Variants in TXNRD3 observed in about 807,000 individuals in gnomAD.
The protein encoded by TXNRD3 is TXNRD3 neighbor gene protein.
Under a neutral mutation model 78.2 loss-of-function variants are expected in TXNRD3, and 68 were observed. The ratio of observed to expected loss-of-function variants is 0.87; its 90% confidence interval spans 0.72 to 1.06. The LOEUF is 1.06. Among genes scored for constraint, TXNRD3 ranks in the 50% least tolerant of loss-of-function variants. The pLI is 0.00. For missense variants in TXNRD3, 751 were observed against 809.5 expected (o/e 0.93, Z 0.88); for synonymous variants, 296 against 300.1 (o/e 0.99, Z 0.14).
At position 126,629,604 on chromosome 3, in the gene TXNRD3, G is replaced by T. The variant is rs989708283; in HGVS notation, c.1198-133C>A. The T allele has an allele frequency of 2.0e-5, 12 of 606,002 alleles. No homozygotes were observed. The African/African-American group carries it at 2.3e-4, about 11-fold the overall frequency. 37.5% of individuals were successfully genotyped at this position (606,002 alleles called of 1,614,324 possible). A position where few individuals can be genotyped will look rare whatever the true frequency, so the allele number is the denominator to read the frequency against. On this transcript the variant is annotated intron_variant, in intron 9 of 15. Transcript: ENST00000524230. ...TACATATAATAGGTGTTAGTATAAG[G>T]TTTCTGGATAAGGCAGAAATAGAGA...
At chr3:126,627,767 C>T (rs1040364249) in intron 10 of TXNRD3, among the ~76,000 whole-genome samples, 5 of 152,130 alleles carry the variant, frequency 3.3e-5, no homozygotes, top group African/African-American at 1.2e-4. Context: ...TAGACAGTTG[C>T]ATCAGTAAAT....
intron 13 of TXNRD3, among the ~76,000 whole-genome samples, chr3:126,612,117 C>T (rs545908107): frequency 1.9e-4 from 29 of 152,130 alleles, no homozygotes; most frequent in Non-Finnish European, 3.8e-4. Context: ...CAGCTCACTG[C>T]AGCCTTGACT....
chr3:126,621,646 T>A, intron 12 of TXNRD3, 96 bp downstream of exon 12: 1 of 1,214,962 alleles, frequency 8.2e-7, no homozygotes, highest in Non-Finnish European at 1.1e-6. Flanking sequence ...TGAGGAACCC[T>A]TTACTTGGAA....
rs1346365354 is a variant in TXNRD3 at position 126,607,839 on chromosome 3, A to G, written c.*66T>C. On this transcript the variant is annotated 3_prime_UTR_variant, in exon 16 of 16. Transcript: ENST00000524230. Reference sequence around the variant, plus strand: ...GCTGTCATGAGCACAGGCTCATTTTATCCGAGAGCATTCTTATCTTTGAGA... The same window carrying G: ...GCTGTCATGAGCACAGGCTCATTTTGTCCGAGAGCATTCTTATCTTTGAGA... The G allele has an allele frequency of 1.1e-5, 15 of 1,356,842 alleles. No individual in the cohort carries two copies. The South Asian group carries it at 1.8e-4, about 16-fold the overall frequency. The allele number at this position is 1,356,842 out of a possible 1,614,324, so 84.1% of individuals were successfully genotyped here. A position where few individuals can be genotyped will look rare whatever the true frequency, so the allele number is the denominator to read the frequency against.
At position 126,644,329 on chromosome 3, in the gene TXNRD3, C is replaced by T. The variant is rs899223095; in HGVS notation, c.487G>A (p.Gly163Ser). The T allele has an allele frequency of 2.1e-5, 32 of 1,536,312 alleles. No individual in the cohort carries two copies. The highest frequency in any genetic ancestry group is 1.7e-4 in the Middle Eastern group (1 of 6,016). ...CATGAAAGGCCTCCAGAACCACCAC[C>T]GATGATGATGAGATCATAATCATAT... Residue 163 changes from glycine (G) to serine (S), a missense_variant, in exon 4 of 16, where the codon GGT becomes AGT. Gly to Ser is a moderately conservative substitution (Grantham distance 56). Coordinates refer to ENST00000524230, the MANE Select transcript of TXNRD3 (RefSeq NM_052883.3).
chr3:126,638,190 G>A (rs535019317), intron 6 of TXNRD3, among the ~76,000 whole-genome samples: 3 of 151,906 alleles, frequency 2.0e-5, no homozygotes, highest in South Asian at 4.2e-4. Flanking sequence ...TGATCCGCCC[G>A]CCTCGGTCTC....
chr3:126,630,864 A>G lies in TXNRD3; in HGVS notation c.1045T>C (p.Cys349Arg), dbSNP rs975340027. The G allele has an allele frequency of 3.9e-6, 6 of 1,535,908 alleles. No individual in the cohort carries two copies. The South Asian group carries it at 4.8e-5, about 12-fold the overall frequency. Reference sequence around the variant, plus strand: ...CCAAAGCCAGCCAGAAACCCTGCACACTCCAGGGCAACATAAGAGGCACCC... The same window carrying G: ...CCAAAGCCAGCCAGAAACCCTGCACGCTCCAGGGCAACATAAGAGGCACCC... The change falls in exon 9 of 16, where the codon TGT becomes CGT. Residue 349 changes from cysteine to arginine, a missense_variant. Physicochemically the swap from Cys to Arg is radical, Grantham distance 180. Coordinates refer to ENST00000524230, the MANE Select transcript of TXNRD3 (RefSeq NM_052883.3).
At chr3:126,639,631 G>T (rs1402519668) in intron 6 of TXNRD3, among the ~76,000 whole-genome samples, 1 of 152,068 alleles carries the variant, frequency 6.6e-6, no homozygotes, top group Non-Finnish European at 1.5e-5. Context: ...GTGCAGTGGC[G>T]CAATCAGAGC....
intron 15 of TXNRD3, among the ~76,000 whole-genome samples, chr3:126,608,182 G>A (rs1020937486): frequency 6.6e-6 from 1 of 151,736 alleles, no homozygotes; most frequent in African/African-American, 2.4e-5. Context: ...CCAACATGGT[G>A]AAACCCCATC....
intron 14 of TXNRD3, among the ~76,000 whole-genome samples, chr3:126,610,796 AC>A (rs1938182198): frequency 6.6e-6 from 1 of 152,134 alleles, no homozygotes; most frequent in Non-Finnish European, 1.5e-5. Flanking sequence ...TAACTAAATG[AC>A]AACGTGGAGG....
chr3:126,615,936 C>T (rs532103022), intron 12 of TXNRD3, among the ~76,000 whole-genome samples: 6 of 152,226 alleles, frequency 3.9e-5, no homozygotes, highest in African/African-American at 9.6e-5. Context: ...TGCAGCTCAA[C>T]GGTGCTGGAC....
At chr3:126,648,226 A>G (rs1309395948) in intron 1 of TXNRD3, among the ~76,000 whole-genome samples, 1 of 152,268 alleles carries the variant, frequency 6.6e-6, no homozygotes, top group Non-Finnish European at 1.5e-5. Flanking sequence ...ATTAAATAAG[A>G]TAGCAACAAA....
Position 126,654,764 on chromosome 3 carries a change from C to T in TXNRD3, c.227G>A (p.Cys76Tyr). 1 of 1,416,926 alleles carries T rather than the reference C, an allele frequency of 7.1e-7. No individual in the cohort carries two copies. The highest frequency in any genetic ancestry group is 9.2e-7 in the Non-Finnish European group (1 of 1,085,302). The allele number at this position is 1,416,926 out of a possible 1,614,324, so 87.8% of individuals were successfully genotyped here. Reference sequence around the variant, plus strand: ...CGCGCCTACCCGAGTACTATGGGGACAGTAGCTCTTGCTGAAGATCACCAC... The same window carrying T: ...CGCGCCTACCCGAGTACTATGGGGATAGTAGCTCTTGCTGAAGATCACCAC... The change falls in exon 1 of 16, where the codon TGT becomes TAT. Residue 76 changes from cysteine (C) to tyrosine (Y), a missense_variant. Cys to Tyr is a radical substitution (Grantham distance 194). Coordinates refer to ENST00000524230, the MANE Select transcript of TXNRD3 (RefSeq NM_052883.3).
At chr3:126,628,419 T>C (rs964813516) in intron 10 of TXNRD3, among the ~76,000 whole-genome samples, 1 of 152,044 alleles carries the variant, frequency 6.6e-6, no homozygotes, top group African/African-American at 2.4e-5. Context: ...AATAAATGTG[T>C]ACACAGGAAA....
rs1938079151 is a variant in TXNRD3 at position 126,607,654 on chromosome 3, A to G, written c.*251T>C. On this transcript the variant is annotated 3_prime_UTR_variant, in exon 16 of 16. Coordinates refer to ENST00000524230, the MANE Select transcript of TXNRD3 (RefSeq NM_052883.3). ...GCGAGAGTCAGCCTTGGCTCACCTC[A>G]TAACGGGGCTCCAAGCTAAGGCGTC... is the stretch of plus-strand genomic sequence containing the variant. 6.0e-6 allele frequency: 2 copies of G among 330,738 alleles called. No individual in the cohort carries two copies. The highest frequency in any genetic ancestry group is 1.1e-5 in the Non-Finnish European group (2 of 183,416). 20.5% of individuals were successfully genotyped at this position (330,738 alleles called of 1,614,324 possible).
In TXNRD3 at chr3:126,638,022, CA is replaced by C. The variant is rs973571848; in HGVS notation, c.713-3972del. Among the ~76,000 whole-genome samples, 6 of 143,374 alleles carry C rather than the reference CA, an allele frequency of 4.2e-5. No homozygotes were observed. In the Admixed American group the frequency reaches 4.4e-4, roughly 10 times the overall value. 94.1% of individuals were successfully genotyped at this position (143,374 alleles called of 152,430 possible). A position where few individuals can be genotyped will look rare whatever the true frequency, so the allele number is the denominator to read the frequency against. ...GCAGTGGCATGATCTCGGCTCACTG[CA>C]ACCTCCGCCTCCTGGGTTCAAGCGA... is the stretch of plus-strand genomic sequence containing the variant. On this transcript the variant is annotated intron_variant, in intron 6 of 15. Coordinates refer to ENST00000524230, the MANE Select transcript of TXNRD3 (RefSeq NM_052883.3).
chr3:126,610,659 A>T (rs1938179769), intron 14 of TXNRD3, among the ~76,000 whole-genome samples: 1 of 152,214 alleles, frequency 6.6e-6, no homozygotes, highest in Non-Finnish European at 1.5e-5. Context: ...CTAGTTCTAA[A>T]CTATCAAGTT....
At chr3:126,626,100 A>C (rs1938574564) in intron 10 of TXNRD3, 1 of 152,206 alleles carries the variant, frequency 6.6e-6, no homozygotes, top group South Asian at 2.1e-4. Context: ...AAATCTAATT[A>C]AAATGAATTC....
intron 12 of TXNRD3, among the ~76,000 whole-genome samples, chr3:126,620,273 C>T (rs1456711058): frequency 1.6e-5 from 2 of 127,978 alleles, no homozygotes; most frequent in South Asian, 2.6e-4. Context: ...CCAGCCTGGG[C>T]GGCAGAGCGA....
Sources: allele counts gnomAD v4.1 joint callset (sites outside exome capture counted in the v4.1 genomes callset), GRCh38; gene constraint gnomAD v4.1.1; transcripts MANE v1.5; gene names NCBI Gene and HGNC (gene_info 2026-07-23, HGNC 2026-07-21).